STK3: variants seen among roughly 807,000 people sequenced by gnomAD.
STK3 encodes serine/threonine-protein kinase 3.
A neutral mutation model predicts 58.0 loss-of-function variants in STK3; 41 were observed. That is an observed-to-expected ratio of 0.71 (90% confidence interval 0.55 to 0.92). The LOEUF (loss-of-function observed/expected upper bound fraction) is 0.92, where lower values mean the gene tolerates loss of function less well. Among genes scored for constraint, STK3 ranks in the 40% least tolerant of loss-of-function variants. The probability of loss-of-function intolerance (pLI) is 0.00; values close to 1 mark genes in which losing one functional copy is unlikely to be tolerated. For synonymous variants in STK3, 170 were observed against 191.0 expected, an observed-to-expected ratio of 0.89 and a Z score of 0.91; for missense variants, 479 against 602.7, an observed-to-expected ratio of 0.79 and a Z score of 2.15.
chr8:98,579,105 C>G (rs986018831), intron 8 of STK3, among the ~76,000 whole-genome samples: 2 of 151,888 alleles, frequency 1.3e-5, no homozygotes, highest in Admixed American at 1.3e-4. Flanking sequence ...GAGCCAAGAT[C>G]GTGCCACTGT....
chr8:98,463,496 T>C (rs914892651), intron 10 of STK3, among the ~76,000 whole-genome samples: 12 of 152,122 alleles, frequency 7.9e-5, no homozygotes, highest in Non-Finnish European at 2.9e-5. Context: ...AAAATAAGAT[T>C]AAATCAATTC....
chr8:98,534,960 T>C (rs1011868428), intron 9 of STK3, among the ~76,000 whole-genome samples: 1 of 152,212 alleles, frequency 6.6e-6, no homozygotes, highest in African/African-American at 2.4e-5. Context: ...AATATTCTTT[T>C]TGTTTCTTTT....
chr8:98,405,092 A>G (rs1817980530), intron 3 of STK3, among the ~76,000 whole-genome samples: 1 of 152,182 alleles, frequency 6.6e-6, no homozygotes, highest in Non-Finnish European at 1.5e-5. Flanking sequence ...GCCTTTTATT[A>G]TTTCTGTAAT....
At chr8:98,583,458 C>T (rs536991807) in intron 7 of STK3, among the ~76,000 whole-genome samples, 5 of 151,742 alleles carry the variant, frequency 3.3e-5, no homozygotes, top group Non-Finnish European at 7.4e-5. Context: ...ATTTTCCATC[C>T]CAGTCTTCTG....
Position 98,773,779 on chromosome 8 carries a change from TTTTATTTATTTA to T in STK3, c.107+948_107+959del, listed in dbSNP as rs56774049. On this transcript the variant is annotated intron_variant, in intron 2 of 10. Transcript: ENST00000419617. The stretch of plus-strand genomic sequence containing the variant: ...CCATCATGTTCAGCTTATTTTTATT[TTTTATTTATTTA>T]TTTATTTATTTATTTATTTTTTGAG... Among the ~76,000 whole-genome samples the T allele has an allele frequency of 1.1e-4, 16 of 151,066 alleles. No individual in the cohort carries two copies. The East Asian group carries it at 2.7e-3, about 26-fold the overall frequency.
chr8:98,457,093 G>A (rs531322020), intron 10 of STK3, among the ~76,000 whole-genome samples: 13 of 152,272 alleles, frequency 8.5e-5, no homozygotes, highest in African/African-American at 2.4e-4. Context: ...CACTCACTTC[G>A]GTGCATAAGA....
intron 9 of STK3, among the ~76,000 whole-genome samples, chr8:98,543,505 A>G (rs1380938953): frequency 6.6e-6 from 1 of 152,194 alleles, no homozygotes; most frequent in Non-Finnish European, 1.5e-5. Flanking sequence ...TTTAGGGGGC[A>G]GAACTGATGA....
At chr8:98,924,300 T>C (rs1323069578) in intron 1 of STK3, among the ~76,000 whole-genome samples, 1 of 152,246 alleles carries the variant, frequency 6.6e-6, no homozygotes, top group African/African-American at 2.4e-5. Context: ...TATCTGCTTC[T>C]GTTTCTCTGC....
At chr8:98,565,453 G>A (rs1243645215) in intron 8 of STK3, among the ~76,000 whole-genome samples, 1 of 152,062 alleles carries the variant, frequency 6.6e-6, no homozygotes, top group Non-Finnish European at 1.5e-5. Context: ...ATATTGACAA[G>A]AACTCTGTAT....
chr8:98,811,845 C>T (rs532109651), intron 1 of STK3, among the ~76,000 whole-genome samples: 5 of 152,296 alleles, frequency 3.3e-5, no homozygotes, highest in South Asian at 2.1e-4. Flanking sequence ...TTTTTTGAGA[C>T]GAAGTCTTGG....
intron 6 of STK3, among the ~76,000 whole-genome samples, chr8:98,604,433 T>A (rs1430726043): frequency 2.0e-5 from 3 of 152,152 alleles, no homozygotes; most frequent in African/African-American, 7.2e-5. Context: ...TCCAAGTGCA[T>A]AGTGCCAGCT....
At chr8:98,629,984 A>G (rs1170652811) in intron 6 of STK3, among the ~76,000 whole-genome samples, 1 of 152,156 alleles carries the variant, frequency 6.6e-6, no homozygotes, top group Non-Finnish European at 1.5e-5. Context: ...CTGCTCTTAT[A>G]TGTGACTATG....
intron 6 of STK3, among the ~76,000 whole-genome samples, chr8:98,619,159 C>T (rs1263817859): frequency 2.6e-5 from 4 of 150,986 alleles, no homozygotes; most frequent in African/African-American, 4.9e-5. Flanking sequence ...GAAGTAACGC[C>T]GCATACCTAC....
At chr8:98,525,212 C>G (rs1825658354) in intron 10 of STK3, among the ~76,000 whole-genome samples, 1 of 152,016 alleles carries the variant, frequency 6.6e-6, no homozygotes, top group African/African-American at 2.4e-5. Flanking sequence ...TAAGTAGGAG[C>G]TAAACAATGT....
chr8:98,348,264 G>A, the STK3 span, among the ~76,000 whole-genome samples: 2 of 152,108 alleles, frequency 1.3e-5, no homozygotes, highest in East Asian at 3.9e-4. Flanking sequence ...AGCTCAAAAT[G>A]GATCATAAGC....
At chr8:98,368,675 G>A (rs1817586070), downstream of STK3, among the ~76,000 whole-genome samples, 1 of 152,226 alleles carries the variant, frequency 6.6e-6, no homozygotes, top group South Asian at 2.1e-4. Context: ...GTAAGTTCCA[G>A]TAATGTAACA....
chr8:98,771,999 A>T (rs1275649065), intron 2 of STK3, among the ~76,000 whole-genome samples: 1 of 152,112 alleles, frequency 6.6e-6, no homozygotes, highest in Non-Finnish European at 1.5e-5. Flanking sequence ...TCTTTAAGTA[A>T]GCACTAAGTT....
chr8:98,844,702 G>C (rs1419289121), intron 3 of STK3, among the ~76,000 whole-genome samples: 1 of 152,094 alleles, frequency 6.6e-6, no homozygotes, highest in Non-Finnish European at 1.5e-5. Flanking sequence ...CTGAGCTCAA[G>C]GTATCCTCCT....
intron 3 of STK3, among the ~76,000 whole-genome samples, chr8:98,762,302 C>T (rs1282808558): frequency 6.6e-6 from 1 of 152,204 alleles, no homozygotes; most frequent in East Asian, 1.9e-4. Context: ...GTCACCCAGA[C>T]TGGAGTGCAA....
Sources: allele counts gnomAD v4.1 joint callset (sites outside exome capture counted in the v4.1 genomes callset), GRCh38; gene constraint gnomAD v4.1.1; transcripts MANE v1.5; gene names NCBI Gene and HGNC (gene_info 2026-07-23, HGNC 2026-07-21).